Variants in BDP1 observed in about 807,000 individuals in gnomAD.
BDP1 encodes transcription factor TFIIIB component B'' homolog.
A neutral mutation model predicts 266.6 loss-of-function variants in BDP1; 169 were observed. That is an observed-to-expected ratio of 0.63 (90% CI 0.56 to 0.72). BDP1 has a LOEUF of 0.72. BDP1 is among the 30% of genes least tolerant of loss of function. The pLI is 0.00. For synonymous variants in BDP1, 1,090 were observed against 1,022.4 expected, an observed-to-expected ratio of 1.07 and a Z score of -1.26; for missense variants, 3,015 against 3,053.8, an observed-to-expected ratio of 0.99 and a Z score of 0.30.
chr5:71,554,436 A>G (rs1454805980), intron 35 of BDP1, among the ~76,000 whole-genome samples: 1 of 152,196 alleles, frequency 6.6e-6, no homozygotes, highest in Non-Finnish European at 1.5e-5. Flanking sequence ...TTTCTCATGC[A>G]GAACTTTTGG....
chr5:71,574,762 C>A, the BDP1 span, among the ~76,000 whole-genome samples: 56 of 152,212 alleles, frequency 3.7e-4, no homozygotes, highest in South Asian at 8.3e-4. Flanking sequence ...TTGCTTATTC[C>A]CTGCAAATTA....
At chr5:71,460,206 C>T (rs1024509792) in intron 2 of BDP1, among the ~76,000 whole-genome samples, 2 of 152,108 alleles carry the variant, frequency 1.3e-5, no homozygotes, top group Non-Finnish European at 2.9e-5. Flanking sequence ...ATGGTGAAAC[C>T]CCGTCTCTAC....
chr5:71,467,125 T>C lies in BDP1; in HGVS notation c.786-229T>C, dbSNP rs7443763. ...CCAAAGATGTTTTGTAAATATTATA[T>C]TGCTGTTATGGATTTTGAAAATGAG... On this transcript the variant is annotated intron_variant, in intron 5 of 38. Transcript: ENST00000358731. Among the ~76,000 whole-genome samples, 63,847 of 152,104 alleles carry C rather than the reference T, an allele frequency of 0.42. 13,751 individuals carry two copies. The highest frequency in any genetic ancestry group is 0.48 in the South Asian group (2,296 of 4,830).
rs551936260 is a variant in BDP1, at chr5:71,519,004, G to A, written c.4991+1552G>A. On this transcript the variant is annotated intron_variant, in intron 22 of 38. Transcript: ENST00000358731. ...CCTACTAATTTTTGTATTTTTAGTA[G>A]AGATGGGGTTTCACCATGTTGGCCA... Among the ~76,000 whole-genome samples the A allele has an allele frequency of 2.0e-5, 3 of 151,790 alleles. No individual in the cohort carries two copies. The East Asian group carries it at 5.8e-4, about 30-fold the overall frequency.
At chr5:71,516,299 A>T in intron 21 of BDP1, 28 bp downstream of exon 21, 1 of 1,564,176 alleles carries the variant, frequency 6.4e-7, no homozygotes. Flanking sequence ...AATTAAATTT[A>T]GCCTTTTAAT....
intron 25 of BDP1, among the ~76,000 whole-genome samples, chr5:71,528,776 A>G (rs1452398689): frequency 6.6e-6 from 1 of 152,244 alleles, no homozygotes; most frequent in Non-Finnish European, 1.5e-5. Context: ...CAAAGTAAAG[A>G]TAGTAAATGT....
intron 8 of BDP1, among the ~76,000 whole-genome samples, chr5:71,485,773 T>TA (rs1334611935): frequency 5.3e-5 from 8 of 152,226 alleles, no homozygotes; most frequent in Non-Finnish European, 8.8e-5. Flanking sequence ...TGCTGATACT[T>TA]ATAAGAGTAA....
chr5:71,461,771 A>G (rs539247829), intron 2 of BDP1, 46 bp from the exon 3 acceptor site: 1 of 1,110,706 alleles, frequency 9.0e-7, no homozygotes, highest in Admixed American at 2.0e-5. Flanking sequence ...TACATCTGAA[A>G]TTCTTTAATA....
chr5:71,491,729 T>G (rs1003646450), intron 11 of BDP1, among the ~76,000 whole-genome samples: 1 of 152,144 alleles, frequency 6.6e-6, no homozygotes, highest in Non-Finnish European at 1.5e-5. Flanking sequence ...TGTTTTGTTT[T>G]GTTTTTGAGA....
rs563372899 is a variant in BDP1 at position 71,525,582 on chromosome 5, C to T, written c.5772+1259C>T. On this transcript the variant is annotated intron_variant, in intron 25 of 38. Coordinates refer to ENST00000358731, the MANE Select transcript of BDP1 (RefSeq NM_018429.3). ...CTCCCGGATGGGGCGGCTGGCCGGGCGGGGGGCTGACCCCCCAACCTCCTT... is the reference window on the plus strand; with the variant it reads ...CTCCCGGATGGGGCGGCTGGCCGGGTGGGGGGCTGACCCCCCAACCTCCTT... 1.6e-4 allele frequency among the ~76,000 whole-genome samples: 13 copies of T among 81,408 alleles called. 1 individual carries two copies. The East Asian group carries it at 2.2e-3, about 14-fold the overall frequency. 53.4% of individuals were successfully genotyped at this position (81,408 alleles called of 152,430 possible).
chr5:71,482,513 G>T (rs1456271331), intron 7 of BDP1, among the ~76,000 whole-genome samples: 1 of 152,208 alleles, frequency 6.6e-6, no homozygotes, highest in African/African-American at 2.4e-5. Flanking sequence ...GCCAAGGCCA[G>T]AAGTGGAAAT....
At chr5:71,464,715 G>GT (rs567761591) in intron 4 of BDP1, among the ~76,000 whole-genome samples, 2,614 of 88,022 alleles carry the variant, frequency 0.03, 131 homozygotes, top group South Asian at 0.06. Flanking sequence ...AAATTTTTTA[G>GT]TTTTTTTTTT....
intron 25 of BDP1, among the ~76,000 whole-genome samples, chr5:71,526,799 TG>T (rs1203367705): frequency 2.0e-5 from 3 of 150,988 alleles, no homozygotes; most frequent in African/African-American, 7.3e-5. Flanking sequence ...GTGATTATCC[TG>T]CCTCAGCCTC....
At chr5:71,523,047 T>C (rs2150508472) in intron 24 of BDP1, 98 bp downstream of exon 24, 1 of 922,008 alleles carries the variant, frequency 1.1e-6, no homozygotes, top group Middle Eastern at 2.7e-4. Context: ...GGGTGTTGAG[T>C]CCATTAGACA....
chr5:71,472,149 C>T (rs1226007899), intron 7 of BDP1, among the ~76,000 whole-genome samples: 1 of 152,058 alleles, frequency 6.6e-6, no homozygotes, highest in Non-Finnish European at 1.5e-5. Flanking sequence ...TCTAGCAGGT[C>T]GTTGGGTAAA....
intron 22 of BDP1, among the ~76,000 whole-genome samples, chr5:71,521,492 A>T (rs1252237350): frequency 6.6e-6 from 1 of 151,660 alleles, no homozygotes; most frequent in Non-Finnish European, 1.5e-5. Context: ...GGGTTTTTCC[A>T]TGTTGGTTAG....
At chr5:71,536,373 C>T (rs1467386857) in intron 26 of BDP1, among the ~76,000 whole-genome samples, 1 of 152,132 alleles carries the variant, frequency 6.6e-6, no homozygotes, top group East Asian at 1.9e-4. Context: ...CCACAATTTG[C>T]AGTTAAATAG....
chr5:71,464,801 C>T (rs1761802566), intron 4 of BDP1, among the ~76,000 whole-genome samples: 1 of 148,072 alleles, frequency 6.8e-6, no homozygotes. Flanking sequence ...TCACTGCAGC[C>T]TCTGCCTCCC....
At chr5:71,511,354 A>G (rs1764910491) in intron 17 of BDP1, 2 of 575,584 alleles carry the variant, frequency 3.5e-6, no homozygotes, top group Non-Finnish European at 5.8e-6. Flanking sequence ...TAGGCTGGGC[A>G]CACCTTTAAA....
Sources: gnomAD v4.1 joint callset for allele counts (sites outside exome capture counted in the v4.1 genomes callset) on GRCh38, gnomAD v4.1.1 for gene constraint, MANE v1.5 for transcripts, NCBI Gene and HGNC (gene_info 2026-07-23, HGNC 2026-07-21) for gene names.